MME: variants seen among roughly 807,000 people sequenced by gnomAD.
MME encodes the protein membrane metalloendopeptidase.
MME carries 98 observed loss-of-function variants against 113.2 expected under a neutral mutation model. The observed-to-expected ratio is 0.87, with a 90% CI of 0.74 to 1.02. The LOEUF is 1.02. MME is among the 50% of genes least tolerant of loss of function. The pLI is 0.00. For missense variants in MME, 836 were observed against 896.0 expected, an observed-to-expected ratio of 0.93 and a Z score of 0.86; for synonymous variants, 292 against 300.6, an observed-to-expected ratio of 0.97 and a Z score of 0.30.
chr3:155,063,194 T>A (rs1411951858), intron 1 of MME, among the ~76,000 whole-genome samples: 2 of 127,398 alleles, frequency 1.6e-5, no homozygotes, highest in East Asian at 2.2e-4. Context: ...TAATATATAT[T>A]ATTTATATAT....
chr3:155,050,766 C>A (rs1347279148), intron 1 of MME, among the ~76,000 whole-genome samples: 1 of 152,030 alleles, frequency 6.6e-6, no homozygotes, highest in Non-Finnish European at 1.5e-5. Context: ...AAATATTTTA[C>A]CCTATTCTCT....
chr3:155,134,644 G>T (rs1453777002), intron 8 of MME, among the ~76,000 whole-genome samples: 2 of 152,212 alleles, frequency 1.3e-5, no homozygotes, highest in African/African-American at 4.8e-5. Flanking sequence ...TTTCTTTTGG[G>T]TATATATCCA....
intron 3 of MME, among the ~76,000 whole-genome samples, chr3:155,113,739 T>G (rs549752580): frequency 9.4e-4 from 143 of 151,986 alleles, no homozygotes; most frequent in African/African-American, 3.2e-3. Flanking sequence ...GAATGAGAGG[T>G]ATGGAAGAGG....
chr3:155,169,901 C>T (rs1343140821), intron 20 of MME, among the ~76,000 whole-genome samples: 2 of 152,018 alleles, frequency 1.3e-5, no homozygotes, highest in African/African-American at 4.8e-5. Flanking sequence ...TGTCAGTGAC[C>T]AAAGATGATC....
intron 3 of MME, among the ~76,000 whole-genome samples, chr3:155,108,546 A>T (rs7433648): frequency 0.38 from 57,700 of 151,228 alleles, 11,238 homozygotes; most frequent in East Asian, 0.52. Context: ...CAGTGAGCAG[A>T]TATCGCGCCA....
intron 1 of MME, among the ~76,000 whole-genome samples, chr3:155,033,001 A>G (rs1277958274): frequency 6.6e-6 from 1 of 152,200 alleles, no homozygotes; most frequent in Non-Finnish European, 1.5e-5. Context: ...TTCCATACTA[A>G]AGATGTAACT....
intron 3 of MME, among the ~76,000 whole-genome samples, chr3:155,086,442 C>G (rs1166135303): frequency 6.6e-6 from 1 of 151,958 alleles, no homozygotes; most frequent in Non-Finnish European, 1.5e-5. Flanking sequence ...ATAGTGGAAG[C>G]CTTGGAAGTA....
At chr3:155,139,135 T>C (rs1317433629) in intron 9 of MME, among the ~76,000 whole-genome samples, 2 of 152,106 alleles carry the variant, frequency 1.3e-5, no homozygotes, top group African/African-American at 4.8e-5. Context: ...GAATGGCATT[T>C]GAATGGGTTA....
chr3:155,114,239 C>T (rs1718414548), intron 3 of MME, among the ~76,000 whole-genome samples: 1 of 152,134 alleles, frequency 6.6e-6, no homozygotes, highest in Admixed American at 6.5e-5. Context: ...GGTATTGGGC[C>T]ATATTCTCCT....
intron 22 of MME, among the ~76,000 whole-genome samples, chr3:155,177,525 AT>A (rs200221580): frequency 3.3e-5 from 5 of 151,306 alleles, no homozygotes; most frequent in Admixed American, 6.6e-5. Context: ...TATAGAAGTG[AT>A]TTTTTTTTGG....
At chr3:155,124,852 G>A (rs1191340443) in intron 8 of MME, among the ~76,000 whole-genome samples, 1 of 152,132 alleles carries the variant, frequency 6.6e-6, no homozygotes, top group African/African-American at 2.4e-5. Flanking sequence ...TAAGTCTGCA[G>A]AGGTTACTGC....
intron 6 of MME, 34 bp from the exon 7 acceptor site, chr3:155,116,834 T>A: frequency 6.5e-7 from 1 of 1,547,684 alleles, no homozygotes; most frequent in Non-Finnish European, 8.9e-7. Context: ...GAACTAAAGC[T>A]TCTAAAGATA....
At chr3:155,152,821 A>C (rs1032603691) in intron 16 of MME, among the ~76,000 whole-genome samples, 6 of 151,942 alleles carry the variant, frequency 3.9e-5, no homozygotes, top group Non-Finnish European at 8.8e-5. Context: ...AGCCTGAGCG[A>C]CAGAGAGACA....
chr3:155,155,340 G>T (rs1374710107), intron 16 of MME, among the ~76,000 whole-genome samples: 9 of 152,160 alleles, frequency 5.9e-5, no homozygotes, highest in African/African-American at 2.2e-4. Flanking sequence ...CTTTGCAAAA[G>T]AATTCTGATA....
At chr3:155,152,214 C>G (rs1183747535) in intron 16 of MME, among the ~76,000 whole-genome samples, 1 of 152,106 alleles carries the variant, frequency 6.6e-6, no homozygotes, top group Non-Finnish European at 1.5e-5. Flanking sequence ...TTACCCTGGA[C>G]CACCCTTTAT....
At position 155,116,879 on chromosome 3, in the gene MME, A is replaced by G. The variant is rs1245085626; in HGVS notation, c.547A>G (p.Thr183Ala). ...TTTTATTGCTTTAGGTGCTTCTTGG[A>G]CAGCTGAAAAAGCTATTGCACAACT... ...NWEQKYGASW[T>A]AEKAIAQLNS... Residue 183 changes from threonine (T) to alanine (A), a missense_variant, in exon 7 of 23, where the codon ACA (threonine) becomes GCA (alanine). By Grantham distance (58) the Thr-to-Ala change is moderately conservative (BLOSUM62 0). Coordinates refer to ENST00000360490, the MANE Select transcript of MME (RefSeq NM_007289.4). 1 of 1,609,110 alleles carries G rather than the reference A, an allele frequency of 6.2e-7. No homozygotes were observed.
At chr3:155,030,843 G>A (rs750895943) in intron 1 of MME, among the ~76,000 whole-genome samples, 2 of 152,328 alleles carry the variant, frequency 1.3e-5, no homozygotes, top group South Asian at 2.1e-4. Flanking sequence ...AGCCTTGTAT[G>A]CCCCACAGAT....
At chr3:155,113,449 T>A (rs2108246914) in intron 3 of MME, among the ~76,000 whole-genome samples, 1 of 152,172 alleles carries the variant, frequency 6.6e-6, no homozygotes, top group South Asian at 2.1e-4. Context: ...GCAGCTAATT[T>A]TTGTATTTTT....
At chr3:155,076,427 G>A (rs1340052389), upstream of MME, among the ~76,000 whole-genome samples, 1 of 152,162 alleles carries the variant, frequency 6.6e-6, no homozygotes, top group African/African-American at 2.4e-5. Context: ...GGTCGCTTAA[G>A]TCCAGTGAGG....
Sources: allele counts gnomAD v4.1 joint callset (sites outside exome capture counted in the v4.1 genomes callset), GRCh38; gene constraint gnomAD v4.1.1; transcripts MANE v1.5; gene names NCBI Gene and HGNC (gene_info 2026-07-23, HGNC 2026-07-21).